Variants in CDK17 observed in about 807,000 individuals in gnomAD.
The protein encoded by CDK17 is cyclin-dependent kinase 17.
In CDK17, 24 loss-of-function variants were observed where a neutral mutation model predicts 77.6. The ratio of observed to expected loss-of-function variants is 0.31; its 90% CI spans 0.22 to 0.44. The LOEUF is 0.44. Among genes scored for constraint, CDK17 ranks in the 20% least tolerant of loss-of-function variants. CDK17 has a pLI of 1.00. For missense variants in CDK17, 429 were observed against 622.5 expected (o/e 0.69, Z 3.31); for synonymous variants, 203 against 210.4 (o/e 0.96, Z 0.30).
intron 1 of CDK17, among the ~76,000 whole-genome samples, chr12:96,349,153 T>C (rs1953272576): frequency 6.6e-6 from 1 of 152,094 alleles, no homozygotes; most frequent in Non-Finnish European, 1.5e-5. Flanking sequence ...TGGTTCAACA[T>C]AAGAAAATCA....
At chr12:96,370,013 A>G (rs1275983845) in intron 1 of CDK17, among the ~76,000 whole-genome samples, 1 of 152,218 alleles carries the variant, frequency 6.6e-6, no homozygotes, top group African/African-American at 2.4e-5. Context: ...AACTGGCTCT[A>G]AGAAGCCGCG....
At chr12:96,395,599 T>C (rs1317874218) in intron 1 of CDK17, among the ~76,000 whole-genome samples, 1 of 152,214 alleles carries the variant, frequency 6.6e-6, no homozygotes, top group Non-Finnish European at 1.5e-5. Flanking sequence ...AACGTTAATT[T>C]CTTTCACAAA....
At chr12:96,294,910 A>G (rs1401008233) in intron 10 of CDK17, 89 bp downstream of exon 10, 3 of 1,131,922 alleles carry the variant, frequency 2.7e-6, no homozygotes, top group Non-Finnish European at 2.4e-6. Flanking sequence ...CCCACATAAA[A>G]GCAATGGCAC....
intron 2 of CDK17, among the ~76,000 whole-genome samples, chr12:96,326,901 T>C (rs1952898285): frequency 6.6e-6 from 1 of 152,198 alleles, no homozygotes; most frequent in African/African-American, 2.4e-5. Context: ...TGAATTTTAT[T>C]CTCAGATTGG....
chr12:96,299,270 A>G (rs1167082078), intron 6 of CDK17, among the ~76,000 whole-genome samples: 1 of 152,232 alleles, frequency 6.6e-6, no homozygotes, highest in African/African-American at 2.4e-5. Flanking sequence ...TAACAATTAG[A>G]TCAATAGCTT....
intron 1 of CDK17, among the ~76,000 whole-genome samples, chr12:96,375,412 C>T (rs1290725035): frequency 6.6e-6 from 1 of 151,606 alleles, no homozygotes; most frequent in Admixed American, 6.6e-5. Context: ...AGTCCTGGCA[C>T]AAGCATTTTT....
chr12:96,299,012 C>A, intron 6 of CDK17, 29 bp from the exon 7 acceptor site: 3 of 1,098,876 alleles, frequency 2.7e-6, no homozygotes, highest in Non-Finnish European at 4.1e-6. Context: ...AAGGACGCAT[C>A]AAAAGTATCA....
At chr12:96,363,461 A>T (rs1953529137) in intron 1 of CDK17, among the ~76,000 whole-genome samples, 2 of 151,758 alleles carry the variant, frequency 1.3e-5, no homozygotes, top group African/African-American at 4.8e-5. Flanking sequence ...AAAAAAAAAA[A>T]AAAAAAAAAT....
chr12:96,377,988 C>T (rs969613247), intron 1 of CDK17, among the ~76,000 whole-genome samples: 3 of 152,112 alleles, frequency 2.0e-5, no homozygotes, highest in East Asian at 1.9e-4. Context: ...CCACTGCGCC[C>T]GGCCCAGAAG....
intron 8 of CDK17, 41 bp from the exon 9 acceptor site, chr12:96,297,373 C>T: frequency 1.5e-6 from 2 of 1,336,004 alleles, no homozygotes; most frequent in Non-Finnish European, 2.1e-6. Flanking sequence ...ACACCATTTT[C>T]AGAATGTTGT....
At chr12:96,328,414 A>C (rs185487621) in intron 2 of CDK17, among the ~76,000 whole-genome samples, 22 of 152,274 alleles carry the variant, frequency 1.4e-4, no homozygotes, top group Admixed American at 5.2e-4. Context: ...GTCTGTGAAA[A>C]AACTGTCTTC....
intron 1 of CDK17, among the ~76,000 whole-genome samples, chr12:96,360,702 G>A (rs191145011): frequency 2.6e-5 from 4 of 152,132 alleles, no homozygotes; most frequent in African/African-American, 7.2e-5. Flanking sequence ...TGATAATGAC[G>A]TATACCCAGG....
intron 5 of CDK17, among the ~76,000 whole-genome samples, chr12:96,306,225 C>T (rs1379387601): frequency 6.6e-6 from 1 of 152,048 alleles, no homozygotes; most frequent in African/African-American, 2.4e-5. Flanking sequence ...CCTACTCAAG[C>T]AAAGGTTTTA....
Position 96,345,521 on chromosome 12 carries a change from G to A in CDK17, c.-29-10656C>T, listed in dbSNP as rs924026629. Among the ~76,000 whole-genome samples the A allele has an allele frequency of 4.6e-5, 7 of 152,058 alleles. No homozygotes were observed. The South Asian group carries it at 6.2e-4, about 14-fold the overall frequency. On this transcript the variant is annotated intron_variant, in intron 1 of 16. Transcript: ENST00000261211. Reference sequence around the variant, plus strand: ...CTTGACATTTTAGTAATCGCCATTCGACTGGTGTGAGATGTTATCTCATTG... The same window carrying A: ...CTTGACATTTTAGTAATCGCCATTCAACTGGTGTGAGATGTTATCTCATTG...
At chr12:96,287,276 G>A (rs545365214) in intron 11 of CDK17, among the ~76,000 whole-genome samples, 6 of 152,152 alleles carry the variant, frequency 3.9e-5, no homozygotes, top group African/African-American at 9.6e-5. Flanking sequence ...GGTACAAGGC[G>A]GTGTGTGTAA....
chr12:96,316,112 G>C (rs1020429686), intron 3 of CDK17, among the ~76,000 whole-genome samples: 1 of 152,208 alleles, frequency 6.6e-6, no homozygotes, highest in Non-Finnish European at 1.5e-5. Context: ...CCGTGCACTA[G>C]CCGAAGCAGG....
chr12:96,330,408 T>C (rs1036471350), intron 2 of CDK17, among the ~76,000 whole-genome samples: 2 of 152,228 alleles, frequency 1.3e-5, no homozygotes, highest in African/African-American at 4.8e-5. Flanking sequence ...TTTTAAAGTA[T>C]ACAATTCAGT....
intron 1 of CDK17, among the ~76,000 whole-genome samples, chr12:96,389,046 T>C (rs1000880602): frequency 2.0e-5 from 3 of 149,134 alleles, no homozygotes; most frequent in African/African-American, 7.4e-5. Flanking sequence ...TTATTATTAT[T>C]TTTTGAGACA....
At chr12:96,290,888 G>A (rs2137072881) in intron 10 of CDK17, among the ~76,000 whole-genome samples, 1 of 152,284 alleles carries the variant, frequency 6.6e-6, no homozygotes, top group East Asian at 1.9e-4. Flanking sequence ...TGGTTGGAAT[G>A]AAATGAAACA....
Sources: gnomAD v4.1 joint callset for allele counts (sites outside exome capture counted in the v4.1 genomes callset) on GRCh38, gnomAD v4.1.1 for gene constraint, MANE v1.5 for transcripts, NCBI Gene and HGNC (gene_info 2026-07-23, HGNC 2026-07-21) for gene names.